The following TFDP2 variants were observed in gnomAD, a reference collection of about 807,000 sequenced individuals.
TFDP2 encodes transcription factor Dp-2, also known as transcription factor Dp-2 (E2F dimerization partner 2).
Under a neutral mutation model 59.3 loss-of-function variants are expected in TFDP2, and 17 were observed. The ratio of observed to expected loss-of-function variants is 0.29; its 90% CI spans 0.20 to 0.43. The LOEUF is 0.43. TFDP2 is among the 20% of genes least tolerant of loss of function. The pLI is 1.00. For synonymous variants in TFDP2, 180 were observed against 194.7 expected (o/e 0.92, Z 0.63); for missense variants, 391 against 528.8 (o/e 0.74, Z 2.56).
chr3:142,117,270 C>G (rs1444484517), intron 1 of TFDP2, among the ~76,000 whole-genome samples: 1 of 152,090 alleles, frequency 6.6e-6, no homozygotes, highest in African/African-American at 2.4e-5. Flanking sequence ...TGGAGGTAAT[C>G]TGACTCCAAT....
At chr3:142,019,360 G>A (rs948982027) in intron 3 of TFDP2, among the ~76,000 whole-genome samples, 5 of 152,072 alleles carry the variant, frequency 3.3e-5, no homozygotes, top group African/African-American at 4.8e-5. Context: ...CACTGCGCCC[G>A]GCCTATTTGC....
chr3:142,041,725 T>C (rs900223422), intron 3 of TFDP2, among the ~76,000 whole-genome samples: 1 of 152,216 alleles, frequency 6.6e-6, no homozygotes, highest in Admixed American at 6.5e-5. Flanking sequence ...GCTTTTGGCG[T>C]TGTATCTAAA....
chr3:142,000,019 G>C (rs1183560530), intron 4 of TFDP2, among the ~76,000 whole-genome samples: 1 of 152,178 alleles, frequency 6.6e-6, no homozygotes, highest in Non-Finnish European at 1.5e-5. Flanking sequence ...ACAGGCGTGA[G>C]CCACCACGCC....
At chr3:142,072,342 C>T (rs927966301) in intron 3 of TFDP2, among the ~76,000 whole-genome samples, 7 of 152,126 alleles carry the variant, frequency 4.6e-5, no homozygotes, top group Non-Finnish European at 1.5e-5. Flanking sequence ...AGAAATGGAA[C>T]CAAGATTACA....
At chr3:142,102,754 G>T (rs946116792) in intron 1 of TFDP2, among the ~76,000 whole-genome samples, 2 of 152,102 alleles carry the variant, frequency 1.3e-5, no homozygotes, top group Admixed American at 1.3e-4. Context: ...CTCTTCAAGC[G>T]CACTGAGATG....
chr3:141,949,318 CTG>C lies in TFDP2; in HGVS notation c.*3193_*3194del, dbSNP rs1464093706. ...AGGACGCCAAACTTGTGGCCATTGT[CTG>C]TAGTTTCTCGGGCGGTGGGTGTCGC... On this transcript the variant is annotated 3_prime_UTR_variant, in exon 13 of 13. Coordinates refer to ENST00000489671, the MANE Select transcript of TFDP2 (RefSeq NM_001178139.2). The C allele has an allele frequency of 1.3e-5, 2 of 152,174 alleles. No individual in the cohort carries two copies. Among genetic ancestry groups the C allele is most frequent in the African/African-American group, 4.8e-5 (2 of 41,438 alleles). 9.4% of individuals were successfully genotyped at this position (152,174 alleles called of 1,614,324 possible). A position where few individuals can be genotyped will look rare whatever the true frequency, so the allele number is the denominator to read the frequency against.
chr3:141,974,246 C>A (rs761611594), intron 7 of TFDP2, 55 bp from the exon 8 acceptor site: 3 of 1,456,664 alleles, frequency 2.1e-6, no homozygotes. Context: ...GATACAGTCA[C>A]ATGATATGAA....
At chr3:142,130,873 G>A (rs1416985749) in intron 1 of TFDP2, among the ~76,000 whole-genome samples, 2 of 151,914 alleles carry the variant, frequency 1.3e-5, no homozygotes, top group East Asian at 1.9e-4. Flanking sequence ...CCAACATGGT[G>A]AAACCTCATC....
chr3:142,000,290 C>T (rs568485687), intron 4 of TFDP2: 9 of 702,794 alleles, frequency 1.3e-5, no homozygotes, highest in African/African-American at 1.7e-5. Context: ...ATGAAAGTGC[C>T]GGCAGATTCA....
At position 141,968,625 on chromosome 3, in the gene TFDP2, T is replaced by TATATATAACATATATATCTCATATATAG. The variant is rs1938784448; in HGVS notation, c.732+1447_732+1448insCTATATATGAGATATATATGTTATATAT. 2.5e-4 allele frequency among the ~76,000 whole-genome samples: 28 copies of TATATATAACATATATATCTCATATATAG among 111,416 alleles called. 1 individual carries two copies. The highest frequency in any genetic ancestry group is 1.1e-3 in the African/African-American group (26 of 24,010). The allele number at this position is 111,416 out of a possible 152,430, so 73.1% of individuals were successfully genotyped here. A position where few individuals can be genotyped will look rare whatever the true frequency, so the allele number is the denominator to read the frequency against. Reference sequence around the variant, plus strand: ...ATAACATATATATCTCATATATAGATATATATAACACATATATATCTCATA... The same window carrying TATATATAACATATATATCTCATATATAG: ...ATAACATATATATCTCATATATAGATATATATAACATATATATCTCATATATAGATATATAACACATATATATCTCATA... On this transcript the variant is annotated intron_variant, in intron 9 of 12. Transcript: ENST00000489671.
At chr3:141,959,021 C>T (rs1474457953) in intron 11 of TFDP2, among the ~76,000 whole-genome samples, 3 of 143,088 alleles carry the variant, frequency 2.1e-5, no homozygotes, top group Non-Finnish European at 4.5e-5. Context: ...ATGGCGATCT[C>T]AGCTCATTGC....
At chr3:142,022,935 C>A (rs966941281) in intron 3 of TFDP2, among the ~76,000 whole-genome samples, 2 of 151,614 alleles carry the variant, frequency 1.3e-5, no homozygotes, top group Admixed American at 1.3e-4. Flanking sequence ...GCCTGGCCAA[C>A]GTGGTGAAAC....
intron 3 of TFDP2, among the ~76,000 whole-genome samples, chr3:142,087,109 T>C (rs2060828286): frequency 6.6e-6 from 1 of 152,196 alleles, no homozygotes; most frequent in South Asian, 2.1e-4. Flanking sequence ...TGACAAATGA[T>C]TCTCCTAGCA....
chr3:142,142,053 C>T lies in TFDP2; in HGVS notation c.-93+7130G>A, dbSNP rs115047493. On this transcript the variant is annotated intron_variant, in intron 1 of 12. Transcript: ENST00000489671. Reference sequence around the variant, plus strand: ...AGATCTGAAACATGACAAGCATGCCCACTGTCACTACTGTTATTCAACAAA... The same window carrying T: ...AGATCTGAAACATGACAAGCATGCCTACTGTCACTACTGTTATTCAACAAA... Among the ~76,000 whole-genome samples the T allele has an allele frequency of 4.7e-3, 712 of 152,226 alleles. 9 individuals are homozygous for T. Among genetic ancestry groups the T allele is most frequent in the African/African-American group, 0.016 (684 of 41,536 alleles).
intron 3 of TFDP2, among the ~76,000 whole-genome samples, chr3:142,087,474 C>T (rs897009622): frequency 4.0e-5 from 6 of 151,686 alleles, no homozygotes. Flanking sequence ...CACATGACTG[C>T]ATTTCTTATT....
intron 3 of TFDP2, among the ~76,000 whole-genome samples, chr3:142,081,821 A>G (rs1157079472): frequency 6.6e-6 from 1 of 152,232 alleles, no homozygotes; most frequent in Admixed American, 6.5e-5. Context: ...AAGTAACAAG[A>G]TTGAAGCAGT....
At chr3:142,131,318 AACTG>A (rs916424074) in intron 1 of TFDP2, among the ~76,000 whole-genome samples, 7 of 150,176 alleles carry the variant, frequency 4.7e-5, no homozygotes, top group Admixed American at 6.6e-5. Flanking sequence ...ATAAAGCAAA[AACTG>A]ACTATTTTAC....
At chr3:142,046,275 C>G (rs1442981249) in intron 3 of TFDP2, among the ~76,000 whole-genome samples, 5 of 152,176 alleles carry the variant, frequency 3.3e-5, no homozygotes, top group Non-Finnish European at 7.3e-5. Flanking sequence ...GTTGTTTAAC[C>G]TGGTGACTGG....
intron 3 of TFDP2, among the ~76,000 whole-genome samples, chr3:142,062,427 G>A (rs113896410): frequency 0.091 from 12,842 of 141,602 alleles, 1,069 homozygotes; most frequent in African/African-American, 0.23. Context: ...GTGTGTGTGT[G>A]TATATATATA....
Sources: allele counts gnomAD v4.1 joint callset (sites outside exome capture counted in the v4.1 genomes callset), GRCh38; gene constraint gnomAD v4.1.1; transcripts MANE v1.5; gene names NCBI Gene and HGNC (gene_info 2026-07-23, HGNC 2026-07-21).